Variants in KCTD16 observed in about 807,000 individuals in gnomAD.
KCTD16 encodes the protein potassium channel tetramerization domain containing 16, also known as BTB/POZ domain-containing protein KCTD16.
Under a neutral mutation model 33.2 loss-of-function variants are expected in KCTD16, and 13 were observed. The ratio of observed to expected loss-of-function variants is 0.39; its 90% CI spans 0.25 to 0.62. KCTD16 has a LOEUF of 0.62. Among genes scored for constraint, KCTD16 ranks in the 20% least tolerant of loss-of-function variants. The pLI is 0.50. For synonymous variants in KCTD16, 197 were observed against 195.3 expected, an observed-to-expected ratio of 1.01 and a Z score of -0.07; for missense variants, 441 against 525.1, an observed-to-expected ratio of 0.84 and a Z score of 1.57.
intron 3 of KCTD16, among the ~76,000 whole-genome samples, chr5:144,352,898 C>T (rs1434846783): frequency 6.6e-6 from 1 of 152,210 alleles, no homozygotes; most frequent in Non-Finnish European, 1.5e-5. Flanking sequence ...CCAACACTCA[C>T]TTCTGAAGCC....
chr5:144,285,714 T>C (rs1358927877), intron 3 of KCTD16, among the ~76,000 whole-genome samples: 1 of 152,218 alleles, frequency 6.6e-6, no homozygotes, highest in Non-Finnish European at 1.5e-5. Context: ...AATTAAAAAT[T>C]ACATTCTACA....
Position 144,207,516 on chromosome 5 carries a change from T to C in KCTD16, c.802T>C (p.Trp268Arg). 1 of 1,613,838 alleles carries C rather than the reference T, an allele frequency of 6.2e-7. No individual in the cohort carries two copies. The highest frequency in any genetic ancestry group is 8.5e-7 in the Non-Finnish European group (1 of 1,179,860). ...FINQYTDDKIWSSYTEYVFYR... is the reference protein window; with the variant it reads ...FINQYTDDKIRSSYTEYVFYR... ...CAACCAATATACAGATGACAAGATCTGGTCAAGCTACACTGAATATGTCTT... is the reference window on the plus strand; with the variant it reads ...CAACCAATATACAGATGACAAGATCCGGTCAAGCTACACTGAATATGTCTT... Residue 268 changes from tryptophan (W) to arginine (R), a missense_variant, in exon 3 of 4, where the codon TGG (tryptophan) becomes CGG (arginine). Coordinates refer to ENST00000512467, the MANE Select transcript of KCTD16 (RefSeq NM_020768.4).
chr5:144,226,224 G>T (rs1753926756), intron 3 of KCTD16, among the ~76,000 whole-genome samples: 1 of 152,184 alleles, frequency 6.6e-6, no homozygotes, highest in East Asian at 1.9e-4. Flanking sequence ...TCATTAGAAT[G>T]ATTAGGAGGT....
chr5:144,465,884 G>C lies in KCTD16; in HGVS notation c.833-7776G>C, dbSNP rs574601930. Among the ~76,000 whole-genome samples, 3 of 149,160 alleles carry C rather than the reference G, an allele frequency of 2.0e-5. No homozygotes were observed. The South Asian group carries it at 6.3e-4, about 31-fold the overall frequency. On this transcript the variant is annotated intron_variant, in intron 3 of 3. Transcript: ENST00000512467. Reference sequence around the variant, plus strand: ...TAGACCGGTTGCTCTTGTCACCCAGGCTGGAGTGCAATGGCGCAATCTCTG... The same window carrying C: ...TAGACCGGTTGCTCTTGTCACCCAGCCTGGAGTGCAATGGCGCAATCTCTG...
At chr5:144,341,378 A>T (rs1752638428) in intron 3 of KCTD16, among the ~76,000 whole-genome samples, 1 of 151,942 alleles carries the variant, frequency 6.6e-6, no homozygotes, top group Admixed American at 6.6e-5. Flanking sequence ...TATGCGGGGG[A>T]TTTCTCATGG....
At chr5:144,226,598 G>A (rs1753938263) in intron 3 of KCTD16, among the ~76,000 whole-genome samples, 1 of 150,484 alleles carries the variant, frequency 6.6e-6, no homozygotes. Flanking sequence ...TTTTTGACAG[G>A]GTCTCAGTCT....
intron 3 of KCTD16, among the ~76,000 whole-genome samples, chr5:144,329,412 G>A (rs2126889963): frequency 6.6e-6 from 1 of 152,234 alleles, no homozygotes; most frequent in East Asian, 1.9e-4. Flanking sequence ...TAGTGTTAAT[G>A]CAGAAGCTGT....
chr5:144,303,871 A>C (rs994789268), intron 3 of KCTD16, among the ~76,000 whole-genome samples: 8 of 152,216 alleles, frequency 5.3e-5, no homozygotes, highest in African/African-American at 1.7e-4. Flanking sequence ...AGTTTAAGAC[A>C]AAAGACAGGA....
At chr5:144,400,915 A>C (rs992682001) in intron 3 of KCTD16, among the ~76,000 whole-genome samples, 6 of 152,142 alleles carry the variant, frequency 3.9e-5, no homozygotes, top group Non-Finnish European at 5.9e-5. Context: ...CAGAGGGAAC[A>C]ATAAGTGCAA....
At chr5:144,466,574 C>T (rs747896192) in intron 3 of KCTD16, among the ~76,000 whole-genome samples, 3 of 151,990 alleles carry the variant, frequency 2.0e-5, no homozygotes, top group Non-Finnish European at 4.4e-5. Flanking sequence ...TATTTAAACT[C>T]TTTCACTCTG....
chr5:144,178,568 C>A (rs899058248), intron 2 of KCTD16, among the ~76,000 whole-genome samples: 1 of 152,050 alleles, frequency 6.6e-6, no homozygotes, highest in Non-Finnish European at 1.5e-5. Flanking sequence ...TTTTATTATT[C>A]TTCTGCAGTC....
chr5:144,455,674 C>T (rs1422315219), intron 3 of KCTD16, among the ~76,000 whole-genome samples: 1 of 152,106 alleles, frequency 6.6e-6, no homozygotes. Context: ...TTGCAGCAGT[C>T]CAGAAGGTTA....
intron 3 of KCTD16, among the ~76,000 whole-genome samples, chr5:144,357,645 T>C (rs998147063): frequency 6.6e-6 from 1 of 152,186 alleles, no homozygotes; most frequent in Non-Finnish European, 1.5e-5. Context: ...AATAGAAGAC[T>C]GTCTAAAGAA....
chr5:144,441,326 C>A, intron 3 of KCTD16, among the ~76,000 whole-genome samples: 1 of 152,018 alleles, frequency 6.6e-6, no homozygotes, highest in African/African-American at 2.4e-5. Context: ...TCTAATAAAC[C>A]ATTGGTGGCT....
At chr5:144,249,024 G>A (rs1199644593) in intron 3 of KCTD16, among the ~76,000 whole-genome samples, 1 of 152,134 alleles carries the variant, frequency 6.6e-6, no homozygotes, top group Non-Finnish European at 1.5e-5. Context: ...TCTCCTTAAA[G>A]CTATCCAATG....
At chr5:144,400,277 C>T (rs1462075267) in intron 3 of KCTD16, among the ~76,000 whole-genome samples, 2 of 152,074 alleles carry the variant, frequency 1.3e-5, no homozygotes, top group African/African-American at 4.8e-5. Flanking sequence ...TCTTGACCCT[C>T]GTAGGTATGA....
At chr5:144,286,468 G>A (rs1381551738) in intron 3 of KCTD16, among the ~76,000 whole-genome samples, 1 of 152,146 alleles carries the variant, frequency 6.6e-6, no homozygotes, top group East Asian at 1.9e-4. Context: ...AGCTTATACT[G>A]CAAGCCTTAA....
Position 144,302,808 on chromosome 5 carries a change from A to G in KCTD16, c.832+95262A>G, listed in dbSNP as rs993731703. On this transcript the variant is annotated intron_variant, in intron 3 of 3. Coordinates refer to ENST00000512467, the MANE Select transcript of KCTD16 (RefSeq NM_020768.4). ...TATGCCACAGTTGTATGTGATGAAA[A>G]CAGTTTTTAATAATTTGATATGGAC... Among the ~76,000 whole-genome samples the G allele has an allele frequency of 8.5e-5, 13 of 152,174 alleles. 1 individual carries two copies. The highest frequency in any genetic ancestry group is 1.2e-4 in the African/African-American group (5 of 41,444).
intron 3 of KCTD16, among the ~76,000 whole-genome samples, chr5:144,349,621 G>T (rs1313462333): frequency 6.6e-6 from 1 of 152,098 alleles, no homozygotes; most frequent in Non-Finnish European, 1.5e-5. Flanking sequence ...TCCAGACTTA[G>T]CCTAGAAGAT....
Sources: allele counts gnomAD v4.1 joint callset (sites outside exome capture counted in the v4.1 genomes callset), GRCh38; gene constraint gnomAD v4.1.1; transcripts MANE v1.5; gene names NCBI Gene and HGNC (gene_info 2026-07-23, HGNC 2026-07-21).